The following TTC23 variants were observed in gnomAD, a reference collection of about 807,000 sequenced individuals.
The protein encoded by TTC23 is tetratricopeptide repeat protein 23.
A neutral mutation model predicts 55.1 loss-of-function variants in TTC23; 58 were observed. That is an observed-to-expected ratio of 1.05 (90% CI 0.85 to 1.31). The LOEUF (loss-of-function observed/expected upper bound fraction) is 1.31, where lower values mean the gene tolerates loss of function less well. Among genes scored for constraint, TTC23 ranks in the 50% most tolerant of loss-of-function variants. TTC23 has a pLI of 0.00. For missense variants in TTC23, 516 were observed against 534.4 expected, an observed-to-expected ratio of 0.97 and a Z score of 0.34; for synonymous variants, 203 against 199.9, an observed-to-expected ratio of 1.02 and a Z score of -0.13.
At chr15:99,179,925 C>T (rs2073958699) in intron 9 of TTC23, among the ~76,000 whole-genome samples, 1 of 152,200 alleles carries the variant, frequency 6.6e-6, no homozygotes. Context: ...CACTGTCTTT[C>T]CAAACTCAAC....
intron 2 of TTC23, among the ~76,000 whole-genome samples, chr15:99,242,914 G>A (rs1314706649): frequency 6.6e-6 from 1 of 152,140 alleles, no homozygotes; most frequent in Non-Finnish European, 1.5e-5. Flanking sequence ...AAACACTGGG[G>A]AAACTCTCTG....
Position 99,244,550 on chromosome 15 carries a change from A to G in TTC23, c.-309+839T>C, listed in dbSNP as rs542914171. Among the ~76,000 whole-genome samples the G allele has an allele frequency of 2.0e-5, 3 of 152,340 alleles. No homozygotes were observed. In the South Asian group the frequency reaches 6.2e-4, roughly 32 times the overall value. On this transcript the variant is annotated intron_variant, in intron 2 of 13. Coordinates refer to ENST00000394132, the MANE Select transcript of TTC23 (RefSeq NM_001288615.3). ...TAAGAAAACACTGATTCAAAATAGG[A>G]TAAAGAGAATAAATATGTAGGAATA...
At position 99,221,865 on chromosome 15, in the gene TTC23, C is replaced by T. The variant is rs144286527; in HGVS notation, c.181-1G>A. On this transcript the variant is annotated splice_acceptor_variant, in intron 5 of 13. Transcript: ENST00000394132. LOFTEE classifies it high-confidence loss of function. ...CAAGCTCATGGACGGCCTGTTTGTA[C>T]TGTTAGGAAGAGAAAACAGGCTTAC... 29 of 1,614,020 alleles carry T rather than the reference C, an allele frequency of 1.8e-5. No homozygotes were observed. In the African/African-American group the frequency reaches 2.8e-4, roughly 16 times the overall value.
chr15:99,221,458 T>C (rs902342654), intron 6 of TTC23, among the ~76,000 whole-genome samples: 2 of 152,192 alleles, frequency 1.3e-5, no homozygotes, highest in African/African-American at 2.4e-5. Flanking sequence ...CAAAGTCTTC[T>C]GGCCCAACAG....
intron 8 of TTC23, among the ~76,000 whole-genome samples, chr15:99,218,172 T>C (rs1052509917): frequency 1.3e-5 from 2 of 152,236 alleles, no homozygotes; most frequent in Non-Finnish European, 2.9e-5. Flanking sequence ...AACAATCCTT[T>C]CGTGATCATG....
Position 99,187,465 on chromosome 15 carries a change from A to AAAC in TTC23, c.760-12311_760-12310insGTT, listed in dbSNP as rs2074808668. ...CAAAAGCACAAGCAAAAAAAAAAAAAAAACAAAACAAAAGAAACCCAACAT... is the reference window on the plus strand; with the variant it reads ...CAAAAGCACAAGCAAAAAAAAAAAAAAACAAACAAAACAAAAGAAACCCAACAT... On this transcript the variant is annotated intron_variant, in intron 9 of 13. Transcript: ENST00000394132. Among the ~76,000 whole-genome samples the AAAC allele has an allele frequency of 1.5e-5, 2 of 137,518 alleles. 1 individual carries two copies. Among genetic ancestry groups the AAAC allele is most frequent in the Non-Finnish European group, 3.0e-5 (2 of 66,636 alleles). The allele number at this position is 137,518 out of a possible 152,430, so 90.2% of individuals were successfully genotyped here.
At chr15:99,197,629 G>T (rs2151985558) in intron 9 of TTC23, among the ~76,000 whole-genome samples, 1 of 152,272 alleles carries the variant, frequency 6.6e-6, no homozygotes, top group East Asian at 1.9e-4. Flanking sequence ...AGGGAGGCCA[G>T]GCGCAGTAGC....
chr15:99,173,241 C>T (rs778256270), intron 10 of TTC23, among the ~76,000 whole-genome samples: 5 of 152,202 alleles, frequency 3.3e-5, no homozygotes, highest in East Asian at 1.9e-4. Flanking sequence ...ATCCAGCCTT[C>T]GCACTTGTTT....
At chr15:99,238,698 A>G (rs1368206188) in intron 3 of TTC23, among the ~76,000 whole-genome samples, 2 of 152,222 alleles carry the variant, frequency 1.3e-5, no homozygotes, top group African/African-American at 2.4e-5. Flanking sequence ...GCCACAAGAC[A>G]TTAACGTACA....
At chr15:99,175,205 A>C (rs376907482) in intron 9 of TTC23, 50 bp from the exon 10 acceptor site, 5 of 1,484,480 alleles carry the variant, frequency 3.4e-6, no homozygotes, top group Non-Finnish European at 4.7e-6. Flanking sequence ...TGGCAGCAGC[A>C]GCAGGGAATT....
intron 4 of TTC23, among the ~76,000 whole-genome samples, chr15:99,234,449 C>A (rs1345543931): frequency 1.3e-5 from 2 of 152,204 alleles, no homozygotes; most frequent in Non-Finnish European, 2.9e-5. Flanking sequence ...CGGCTCCCTG[C>A]AAGCTCCACC....
chr15:99,180,614 C>T (rs1176765315), intron 9 of TTC23, among the ~76,000 whole-genome samples: 2 of 152,302 alleles, frequency 1.3e-5, no homozygotes, highest in Non-Finnish European at 2.9e-5. Context: ...TCTATTTCTG[C>T]AGGCAGACCC....
intron 10 of TTC23, among the ~76,000 whole-genome samples, chr15:99,165,918 T>C (rs996917426): frequency 1.3e-5 from 2 of 152,184 alleles, no homozygotes; most frequent in Admixed American, 1.3e-4. Context: ...GAGTACTCTT[T>C]CGTTATTTTA....
chr15:99,166,000 G>A (rs1431683531), intron 10 of TTC23, among the ~76,000 whole-genome samples: 2 of 152,144 alleles, frequency 1.3e-5, no homozygotes, highest in Non-Finnish European at 2.9e-5. Flanking sequence ...AGGTCTTTCC[G>A]CATCTCAGCC....
At chr15:99,151,624 G>A (rs1670217) in intron 12 of TTC23, among the ~76,000 whole-genome samples, 49,489 of 152,020 alleles carry the variant, frequency 0.33, 9,775 homozygotes, top group African/African-American at 0.56. Context: ...GACAATAGAT[G>A]CCCCTTTATA....
chr15:99,183,628 C>T (rs1443418209), intron 9 of TTC23, among the ~76,000 whole-genome samples: 3 of 151,366 alleles, frequency 2.0e-5, no homozygotes, highest in Non-Finnish European at 2.9e-5. Context: ...CATGAGCCAT[C>T]GCTCCTGGCC....
chr15:99,152,810 C>CT (rs1226298844), intron 12 of TTC23, among the ~76,000 whole-genome samples: 3 of 151,502 alleles, frequency 2.0e-5, no homozygotes, highest in Non-Finnish European at 2.9e-5. Context: ...AGCACTGGAT[C>CT]TTTTTTTTAC....
intron 4 of TTC23, among the ~76,000 whole-genome samples, chr15:99,230,548 T>A (rs1476250180): frequency 6.6e-6 from 1 of 151,686 alleles, no homozygotes; most frequent in Non-Finnish European, 1.5e-5. Context: ...CTATACCAAA[T>A]AAAGTCAAAA....
intron 10 of TTC23, among the ~76,000 whole-genome samples, chr15:99,171,729 A>AT (rs2072969859): frequency 1.3e-5 from 2 of 150,220 alleles, no homozygotes; most frequent in Middle Eastern, 3.4e-3. Flanking sequence ...CACCCAGCTA[A>AT]TTTTTTGTAT....
Sources: allele counts gnomAD v4.1 joint callset (sites outside exome capture counted in the v4.1 genomes callset), GRCh38; gene constraint gnomAD v4.1.1; transcripts MANE v1.5; gene names NCBI Gene and HGNC (gene_info 2026-07-23, HGNC 2026-07-21).